SP110: variants seen among roughly 807,000 people sequenced by gnomAD.
The protein encoded by SP110 is SP110 nuclear body protein, also known as interferon-induced protein 41, 30kD.
SP110 carries 62 observed loss-of-function variants against 92.7 expected under a neutral mutation model. The observed-to-expected ratio is 0.67, with a 90% CI of 0.55 to 0.83. SP110 has a LOEUF of 0.83. SP110 is among the 40% of genes least tolerant of loss of function. SP110 has a pLI of 0.00. For synonymous variants in SP110, 273 were observed against 305.3 expected (o/e 0.89, Z 1.10); for missense variants, 793 against 863.9 (o/e 0.92, Z 1.03).
chr2:230,178,117 C>T (rs1186502520), intron 13 of SP110, 40 bp downstream of exon 13: 1 of 1,244,056 alleles, frequency 8.0e-7, no homozygotes, highest in African/African-American at 1.5e-5. Context: ...GTGAGTCCTT[C>T]ATCTAGGGAT....
rs1328236305 is a variant in SP110, at chr2:230,189,764, A to T, written c.1130-3621T>A. On this transcript the variant is annotated intron_variant, in intron 10 of 18. Coordinates refer to ENST00000258381, the MANE Select transcript of SP110 (RefSeq NM_080424.4). ...TGTGTCCATGTGTTCTCAATGATCA[A>T]CTCCCACTTATGAGTGAGAACATGC... Among the ~76,000 whole-genome samples, 11 of 151,506 alleles carry T rather than the reference A, an allele frequency of 7.3e-5. No individual in the cohort carries two copies. In the South Asian group the frequency reaches 2.1e-3, roughly 29 times the overall value.
chr2:230,178,919 GC>G (rs2041990795), intron 12 of SP110, among the ~76,000 whole-genome samples: 1 of 152,180 alleles, frequency 6.6e-6, no homozygotes, highest in Non-Finnish European at 1.5e-5. Context: ...AATTCCTGCT[GC>G]CTTCCCCTCC....
intron 10 of SP110, among the ~76,000 whole-genome samples, chr2:230,195,503 C>T (rs12474616): frequency 0.77 from 116,671 of 151,984 alleles, 44,893 homozygotes; most frequent in Admixed American, 0.83. Context: ...CTAACTTTTG[C>T]ATTTTTAGTA....
intron 12 of SP110, among the ~76,000 whole-genome samples, chr2:230,181,974 A>C (rs2042146184): frequency 6.6e-6 from 1 of 152,288 alleles, no homozygotes; most frequent in South Asian, 2.1e-4. Context: ...CCAAAGGAAT[A>C]TAAATCATTC....
At chr2:230,221,889 A>C, upstream of SP110, 2 of 664,676 alleles carry the variant, frequency 3.0e-6, no homozygotes, top group East Asian at 2.7e-5. Context: ...TTACATGAAA[A>C]AAAGACAGCT....
chr2:230,224,257 A>G (rs1559195223), upstream of SP110, among the ~76,000 whole-genome samples: 1 of 152,166 alleles, frequency 6.6e-6, no homozygotes. Context: ...TGTCCAGTTC[A>G]TTGGTGTCCT....
chr2:230,181,044 C>T (rs1037093781), intron 12 of SP110, among the ~76,000 whole-genome samples: 1 of 152,162 alleles, frequency 6.6e-6, no homozygotes, highest in Admixed American at 6.5e-5. Flanking sequence ...GTAATGTACA[C>T]ATTTATATGG....
intron 10 of SP110, among the ~76,000 whole-genome samples, chr2:230,195,315 G>A (rs902754102): frequency 1.3e-5 from 2 of 152,094 alleles, no homozygotes; most frequent in Non-Finnish European, 2.9e-5. Flanking sequence ...TATACTAGAG[G>A]ACTAACATTT....
chr2:230,189,935 G>A (rs1434819253), intron 10 of SP110, among the ~76,000 whole-genome samples: 3 of 152,152 alleles, frequency 2.0e-5, no homozygotes, highest in Non-Finnish European at 4.4e-5. Flanking sequence ...TCTTTATCCA[G>A]TCTAAATGCT....
intron 12 of SP110, among the ~76,000 whole-genome samples, chr2:230,178,737 AT>A (rs2041981615): frequency 1.3e-5 from 2 of 152,108 alleles, no homozygotes; most frequent in African/African-American, 2.4e-5. Flanking sequence ...GTTTCTTTTC[AT>A]TTTATTGCTT....
intron 12 of SP110, among the ~76,000 whole-genome samples, chr2:230,182,188 C>T (rs538069516): frequency 3.4e-4 from 52 of 152,092 alleles, no homozygotes; most frequent in African/African-American, 1.2e-3. Context: ...CCATTATCCT[C>T]AGCAAACTAA....
chr2:230,211,356 C>T lies in SP110; in HGVS notation c.751+114G>A. The T allele has an allele frequency of 1.3e-6, 1 of 772,738 alleles. No individual in the cohort carries two copies. Among genetic ancestry groups the T allele is most frequent in the Admixed American group, 1.9e-5 (1 of 53,906 alleles). The allele number at this position is 772,738 out of a possible 1,614,324, so 47.9% of individuals were successfully genotyped here. A position where few individuals can be genotyped will look rare whatever the true frequency, so the allele number is the denominator to read the frequency against. ...GTGCTGGGTGAACTGGAAGCTGGGC[C>T]AAGATTGCTGAGAGGCAGGAGGAGA... is the stretch of plus-strand genomic sequence containing the variant. On this transcript the variant is annotated intron_variant, in intron 6 of 18. Transcript: ENST00000258381. This position sits in a 1 kb window ranked among gnomAD's most constrained non-coding sequence, Gnocchi z 4.2.
rs2078421800 is a variant in SP110 at position 230,170,887 on chromosome 2, C to T, written c.1888-126G>A. The T allele has an allele frequency of 5.3e-6, 5 of 952,378 alleles. No homozygotes were observed. In the Admixed American group the frequency reaches 9.8e-5, roughly 19 times the overall value. 59.0% of individuals were successfully genotyped at this position (952,378 alleles called of 1,614,324 possible). A position where few individuals can be genotyped will look rare whatever the true frequency, so the allele number is the denominator to read the frequency against. Reference sequence around the variant, plus strand: ...GATAATACCATTTGACCTCTTTAAGCCAGCTATTGTTCTAGGCACTAGATA... The same window carrying T: ...GATAATACCATTTGACCTCTTTAAGTCAGCTATTGTTCTAGGCACTAGATA... On this transcript the variant is annotated intron_variant, in intron 17 of 18. Transcript: ENST00000258381.
At chr2:230,206,991 G>A (rs2043937248) in intron 8 of SP110, among the ~76,000 whole-genome samples, 1 of 152,036 alleles carries the variant, frequency 6.6e-6, no homozygotes, top group Non-Finnish European at 1.5e-5. Flanking sequence ...ATATCACAAG[G>A]GGTAAAGCCC....
At chr2:230,179,493 A>AGGGGGGGGGGGGGGGGGG (rs2042028994) in intron 12 of SP110, among the ~76,000 whole-genome samples, 1 of 27,222 alleles carries the variant, frequency 3.7e-5, no homozygotes, top group Non-Finnish European at 8.2e-5. Context: ...GGGGGCAGGG[A>AGGGGGGGGGGGGGGGGGG]GGAGTGGGGG....
At chr2:230,224,163 A>C (rs1199024516), upstream of SP110, among the ~76,000 whole-genome samples, 1 of 152,212 alleles carries the variant, frequency 6.6e-6, no homozygotes, top group Non-Finnish European at 1.5e-5. Context: ...AGTACCCCTG[A>C]AGTACCAATC....
chr2:230,181,807 T>C (rs1168725415), intron 12 of SP110, among the ~76,000 whole-genome samples: 1 of 152,222 alleles, frequency 6.6e-6, no homozygotes, highest in East Asian at 1.9e-4. Flanking sequence ...AAACAACAGA[T>C]GCTGGCAAGG....
intron 12 of SP110, among the ~76,000 whole-genome samples, chr2:230,182,899 G>A (rs998926230): frequency 4.6e-5 from 7 of 152,164 alleles, no homozygotes; most frequent in African/African-American, 1.4e-4. Flanking sequence ...TGTGCTTAGC[G>A]TCACAGTTGG....
chr2:230,178,832 C>T (rs17328048), intron 12 of SP110, among the ~76,000 whole-genome samples: 2,192 of 152,336 alleles, frequency 0.014, 21 homozygotes, highest in Non-Finnish European at 0.024. Flanking sequence ...AGTCTGGCAA[C>T]TCAGAACCCC....
Sources: gnomAD v4.1 joint callset for allele counts (sites outside exome capture counted in the v4.1 genomes callset) on GRCh38, gnomAD v4.1.1 for gene constraint, Gnocchi (gnomAD v3.1) non-coding constraint, MANE v1.5 for transcripts, NCBI Gene and HGNC (gene_info 2026-07-23, HGNC 2026-07-21) for gene names.